The following ACOT13 variants were observed in gnomAD, a reference collection of about 807,000 sequenced individuals.
ACOT13 encodes the protein acyl-CoA thioesterase 13.
A neutral mutation model predicts 11.8 loss-of-function variants in ACOT13; 10 were observed. The ratio of observed to expected loss-of-function variants is 0.85; its 90% CI spans 0.53 to 1.44. The LOEUF (loss-of-function observed/expected upper bound fraction) is 1.44, where lower values mean the gene tolerates loss of function less well. ACOT13 is among the 40% of genes most tolerant of loss of function. ACOT13 has a pLI of 0.00. For missense variants in ACOT13, 172 were observed against 174.1 expected (o/e 0.99, Z 0.07); for synonymous variants, 53 against 61.0 (o/e 0.87, Z 0.61).
chr6:24,684,341 C>G (rs116094765), intron 1 of ACOT13, among the ~76,000 whole-genome samples: 3,027 of 152,282 alleles, frequency 0.02, 41 homozygotes, highest in South Asian at 0.059. Context: ...CCTTAAAAAT[C>G]TGTAGTCATT....
intron 1 of ACOT13, among the ~76,000 whole-genome samples, chr6:24,682,642 C>A (rs559332143): frequency 6.6e-6 from 1 of 152,008 alleles, no homozygotes; most frequent in East Asian, 1.9e-4. Flanking sequence ...CTGCTGGATC[C>A]GGAGGGATGG....
chr6:24,699,286 T>C (rs1778853113), intron 2 of ACOT13, among the ~76,000 whole-genome samples: 1 of 148,418 alleles, frequency 6.7e-6, no homozygotes, highest in African/African-American at 2.5e-5. Context: ...CTCGGCTCAC[T>C]GCAAGCTCCG....
intron 1 of ACOT13, chr6:24,687,729 G>A (rs764362674): frequency 1.7e-6 from 2 of 1,175,472 alleles, no homozygotes; most frequent in Non-Finnish European, 2.1e-6. Context: ...TTTTTTTTTT[G>A]AGACAGAGTC....
chr6:24,697,986 C>T lies in ACOT13; in HGVS notation c.185C>T (p.Thr62Met), dbSNP rs142012282. Residue 62 changes from threonine (T) to methionine (M), a missense_variant, in exon 2 of 3, where the codon ACG (threonine) becomes ATG (methionine). Transcript: ENST00000230048. ...IGTLHGGLTA[T>M]LVDNISTMAL... The stretch of plus-strand genomic sequence containing the variant: ...ACTCTCCACGGCGGTTTGACAGCCA[C>T]GTTAGTAGATAACATATCAACAATG... 188 of 1,613,872 alleles carry T rather than the reference C, an allele frequency of 1.2e-4. No individual in the cohort carries two copies. Among genetic ancestry groups the T allele is most frequent in the Non-Finnish European group, 1.5e-4 (175 of 1,179,932 alleles).
At chr6:24,668,600 C>A (rs553384035) in intron 1 of ACOT13, among the ~76,000 whole-genome samples, 1 of 152,332 alleles carries the variant, frequency 6.6e-6, no homozygotes, top group South Asian at 2.1e-4. Flanking sequence ...CCTAATACCC[C>A]ATTGAAGTCT....
At position 24,667,123 on chromosome 6, in the gene ACOT13, C is replaced by G; in HGVS notation, c.-141C>G. 1.1e-6 allele frequency: 1 copy of G among 928,336 alleles called. No homozygotes were observed. The highest frequency in any genetic ancestry group is 1.6e-5 in the South Asian group (1 of 60,670). 57.5% of individuals were successfully genotyped at this position (928,336 alleles called of 1,614,324 possible). A position where few individuals can be genotyped will look rare whatever the true frequency, so the allele number is the denominator to read the frequency against. ...CGGGGCTGCCAGCTCGCCTGACTCC[C>G]GGCCTCTTGCGCTCCTAGGGGCGGA... is the stretch of plus-strand genomic sequence containing the variant. On this transcript the variant is annotated 5_prime_UTR_variant, in exon 1 of 3. Transcript: ENST00000230048.
chr6:24,680,152 G>GC (rs1778523992), intron 1 of ACOT13, among the ~76,000 whole-genome samples: 1 of 152,088 alleles, frequency 6.6e-6, no homozygotes, highest in African/African-American at 2.4e-5. Context: ...ATTGCGAGTT[G>GC]TCTCTTAATG....
At chr6:24,687,597 C>T (rs1331897678) in intron 1 of ACOT13, 2 of 1,466,906 alleles carry the variant, frequency 1.4e-6, no homozygotes, top group Non-Finnish European at 1.8e-6. Context: ...AGGAGGAACA[C>T]ACTGGAGAGA....
intron 1 of ACOT13, among the ~76,000 whole-genome samples, chr6:24,695,801 T>C (rs9467261): frequency 0.067 from 10,213 of 152,178 alleles, 941 homozygotes; most frequent in African/African-American, 0.21. Flanking sequence ...GCGCGGTGGC[T>C]CACGACTCTA....
chr6:24,681,284 C>T lies in ACOT13; in HGVS notation c.81+13940C>T, dbSNP rs376395171. ...CTTTTAGCAAAGCAGTTGCCGCTAC[C>T]GACTGAATGCATTTGGCCCATCCGC... On this transcript the variant is annotated intron_variant, in intron 1 of 2. Transcript: ENST00000230048. Among the ~76,000 whole-genome samples the T allele has an allele frequency of 3.9e-5, 6 of 152,262 alleles. No individual in the cohort carries two copies. The East Asian group carries it at 5.8e-4, about 15-fold the overall frequency.
intron 1 of ACOT13, among the ~76,000 whole-genome samples, chr6:24,686,643 CTCTT>C (rs943516757): frequency 2.3e-4 from 33 of 146,108 alleles, no homozygotes; most frequent in African/African-American, 4.3e-4. Flanking sequence ...CACTCTTTCT[CTCTT>C]TCTTCTCTCT....
Position 24,703,481 on chromosome 6 carries a change from TTATGCATGAAA to T in ACOT13, c.*1867_*1877del, listed in dbSNP as rs1387996933. ...GCTGGGACAGAAAGGTTACAGTATC[TTATGCATGAAA>T]GGAGATGCTCAAAATAATAAAGGCA... On this transcript the variant is annotated 3_prime_UTR_variant, in exon 3 of 3. Transcript: ENST00000230048. 1 of 152,220 alleles carries T rather than the reference TTATGCATGAAA, an allele frequency of 6.6e-6. No homozygotes were observed. The highest frequency in any genetic ancestry group is 1.5e-5 in the Non-Finnish European group (1 of 68,044). The allele number at this position is 152,220 out of a possible 1,614,324, so 9.4% of individuals were successfully genotyped here. A position where few individuals can be genotyped will look rare whatever the true frequency, so the allele number is the denominator to read the frequency against.
intron 1 of ACOT13, among the ~76,000 whole-genome samples, chr6:24,682,678 AGGTCTGCGGTGGCG>A (rs1292268291): frequency 6.6e-6 from 1 of 150,824 alleles, no homozygotes; most frequent in Non-Finnish European, 1.5e-5. Flanking sequence ...CTGCAGTGGC[AGGTCTGCGGTGGCG>A]GGTCTGCGAT....
At chr6:24,690,951 C>T (rs961808812) in intron 1 of ACOT13, among the ~76,000 whole-genome samples, 2 of 152,218 alleles carry the variant, frequency 1.3e-5, no homozygotes, top group African/African-American at 4.8e-5. Flanking sequence ...TGATCTACTT[C>T]TACACCTTGA....
intron 2 of ACOT13, among the ~76,000 whole-genome samples, chr6:24,700,317 AAAT>A (rs1178889279): frequency 1.3e-5 from 2 of 152,206 alleles, no homozygotes; most frequent in African/African-American, 2.4e-5. Flanking sequence ...AAATTTAGGG[AAAT>A]AATAAAAACT....
At chr6:24,667,403 C>T in intron 1 of ACOT13, 59 bp downstream of exon 1, 2 of 1,498,998 alleles carry the variant, frequency 1.3e-6, no homozygotes, top group Admixed American at 1.7e-5. Flanking sequence ...AAGCACCGTG[C>T]TTGGTGCCGT....
rs193156861 is a variant in ACOT13 at position 24,703,631 on chromosome 6, G to C, written c.*2016G>C. On this transcript the variant is annotated 3_prime_UTR_variant, in exon 3 of 3. Transcript: ENST00000230048. The stretch of plus-strand genomic sequence containing the variant: ...AATGCTGTAAATGGACAAAGCATTA[G>C]ATTTGGAAAATCACTATTTTGTAAC... The C allele has an allele frequency of 6.6e-6, 1 of 152,338 alleles. No individual in the cohort carries two copies. The highest frequency in any genetic ancestry group is 6.5e-5 in the Admixed American group (1 of 15,306). The allele number at this position is 152,338 out of a possible 1,614,324, so 9.4% of individuals were successfully genotyped here.
chr6:24,694,501 A>G (rs1165855145), intron 1 of ACOT13, among the ~76,000 whole-genome samples: 3 of 152,236 alleles, frequency 2.0e-5, no homozygotes, highest in Non-Finnish European at 4.4e-5. Context: ...CAAATTGCTC[A>G]GCATGGTCTC....
At chr6:24,699,879 A>G (rs1032480196) in intron 2 of ACOT13, among the ~76,000 whole-genome samples, 1 of 152,238 alleles carries the variant, frequency 6.6e-6, no homozygotes, top group African/African-American at 2.4e-5. Flanking sequence ...GGCCTTTCAA[A>G]TATGTGTTGC....
Sources: allele counts gnomAD v4.1 joint callset (sites outside exome capture counted in the v4.1 genomes callset), GRCh38; gene constraint gnomAD v4.1.1; transcripts MANE v1.5; gene names NCBI Gene and HGNC (gene_info 2026-07-23, HGNC 2026-07-21).